KDM4B: variants seen among roughly 807,000 people sequenced by gnomAD.
KDM4B encodes lysine-specific demethylase 4B.
In KDM4B, 32 loss-of-function variants were observed where a neutral mutation model predicts 125.2. The observed-to-expected ratio is 0.26, with a 90% CI of 0.19 to 0.34. KDM4B has a LOEUF of 0.34. Among genes scored for constraint, KDM4B ranks in the 10% least tolerant of loss-of-function variants. KDM4B has a pLI of 1.00. For missense variants in KDM4B, 1,190 were observed against 1,577.7 expected, an observed-to-expected ratio of 0.75 and a Z score of 4.16; for synonymous variants, 721 against 677.9, an observed-to-expected ratio of 1.06 and a Z score of -0.99.
chr19:5,143,888 C>T lies in KDM4B; in HGVS notation c.2551-79C>T, dbSNP rs3816734. On this transcript the variant is annotated intron_variant, in intron 18 of 22. Transcript: ENST00000159111. Reference sequence around the variant, plus strand: ...GCGATGCCTCCCTTGAAGGCTGTGCCGGGAGGGGCCGGGGACTCCGTTCCA... The same window carrying T: ...GCGATGCCTCCCTTGAAGGCTGTGCTGGGAGGGGCCGGGGACTCCGTTCCA... 2.1e-3 allele frequency: 2,397 copies of T among 1,164,816 alleles called. 51 individuals are homozygous for T. The East Asian group carries it at 0.045, about 22-fold the overall frequency. The allele number at this position is 1,164,816 out of a possible 1,614,324, so 72.2% of individuals were successfully genotyped here.
intron 13 of KDM4B, among the ~76,000 whole-genome samples, chr19:5,133,286 C>T (rs529232264): frequency 2.9e-4 from 44 of 152,318 alleles, no homozygotes; most frequent in African/African-American, 9.6e-4. Context: ...AGAGTGTCCC[C>T]GTCACGCAGC....
intron 18 of KDM4B, among the ~76,000 whole-genome samples, chr19:5,138,642 C>A (rs371799411): frequency 6.6e-6 from 1 of 152,050 alleles, no homozygotes; most frequent in East Asian, 1.9e-4. Flanking sequence ...GACAACAGAG[C>A]CAGGCACTGT....
At chr19:5,100,185 G>A (rs1026337634) in intron 9 of KDM4B, among the ~76,000 whole-genome samples, 16 of 152,306 alleles carry the variant, frequency 1.1e-4, no homozygotes, top group African/African-American at 2.9e-4. Flanking sequence ...TACCTGATAC[G>A]TGTCTGATTT....
intron 6 of KDM4B, among the ~76,000 whole-genome samples, chr19:5,050,382 A>G (rs1262491734): frequency 6.6e-6 from 1 of 152,202 alleles, no homozygotes; most frequent in African/African-American, 2.4e-5. Context: ...GCGGATTGAA[A>G]CCAGAGCCAG....
intron 13 of KDM4B, among the ~76,000 whole-genome samples, 178 bp downstream of exon 13, chr19:5,132,185 G>C (rs192535197): frequency 9.8e-5 from 15 of 152,300 alleles, no homozygotes; most frequent in Admixed American, 3.9e-4. Flanking sequence ...GCAGGTGGTC[G>C]TGCGGGGAGG....
At chr19:5,122,589 C>T (rs1246448232) in intron 11 of KDM4B, among the ~76,000 whole-genome samples, 4 of 152,224 alleles carry the variant, frequency 2.6e-5, no homozygotes, top group Non-Finnish European at 5.9e-5. Context: ...TGAACAAATT[C>T]AGTGACTCTC....
chr19:5,025,406 C>T (rs2036248017), intron 2 of KDM4B, among the ~76,000 whole-genome samples: 1 of 152,260 alleles, frequency 6.6e-6, no homozygotes, highest in South Asian at 2.1e-4. Flanking sequence ...GTGGGGCCAG[C>T]CGGGCCTTAA....
At chr19:5,136,417 G>A (rs762698963) in intron 15 of KDM4B, among the ~76,000 whole-genome samples, 54 of 152,154 alleles carry the variant, frequency 3.5e-4, no homozygotes, top group Non-Finnish European at 6.3e-4. Flanking sequence ...TTAATTTTCT[G>A]TGCCCCTGGC....
intron 11 of KDM4B, among the ~76,000 whole-genome samples, chr19:5,123,721 C>T (rs751674900): frequency 1.6e-4 from 24 of 152,212 alleles, no homozygotes; most frequent in Non-Finnish European, 2.8e-4. Flanking sequence ...ATGCAGACTC[C>T]AGCAGGCAAG....
At chr19:5,012,720 A>G (rs557110641) in intron 1 of KDM4B, among the ~76,000 whole-genome samples, 18 of 152,290 alleles carry the variant, frequency 1.2e-4, no homozygotes, top group African/African-American at 3.6e-4. Flanking sequence ...GGCTCTTCTC[A>G]TCACATCCCG....
At chr19:5,047,414 C>T (rs971617079) in intron 5 of KDM4B, 62 bp from the exon 6 acceptor site, 2 of 1,499,338 alleles carry the variant, frequency 1.3e-6, no homozygotes, top group South Asian at 1.3e-5. Context: ...AGCCTGCACC[C>T]CAGGGCTCGC....
rs951926506 is a variant in KDM4B, at chr19:4,969,149, C to G, written c.-190C>G. ...GCCAGCAACCGAGCGGGGCCCGGCC[C>G]GAGCGGGGCCTGGGGGTGCGACGCC... On this transcript the variant is annotated 5_prime_UTR_variant, in exon 1 of 23. Transcript: ENST00000159111. 2.0e-5 allele frequency: 3 copies of G among 150,806 alleles called. No homozygotes were observed. Among genetic ancestry groups the G allele is most frequent in the East Asian group, 2.0e-4 (1 of 5,128 alleles). The allele number at this position is 150,806 out of a possible 1,614,324, so 9.3% of individuals were successfully genotyped here. A position where few individuals can be genotyped will look rare whatever the true frequency, so the allele number is the denominator to read the frequency against.
At chr19:5,121,714 C>G (rs1175113154) in intron 11 of KDM4B, among the ~76,000 whole-genome samples, 1 of 152,042 alleles carries the variant, frequency 6.6e-6, no homozygotes, top group Non-Finnish European at 1.5e-5. Flanking sequence ...AAGGACCTAC[C>G]AGGTGTTAGG....
intron 9 of KDM4B, among the ~76,000 whole-genome samples, chr19:5,103,386 C>T (rs577823304): frequency 6.6e-6 from 1 of 152,208 alleles, no homozygotes; most frequent in Non-Finnish European, 1.5e-5. Flanking sequence ...TCTGCATAAC[C>T]GGAGGCAAAC....
intron 6 of KDM4B, among the ~76,000 whole-genome samples, chr19:5,050,417 T>C (rs917129576): frequency 2.0e-5 from 3 of 152,214 alleles, no homozygotes; most frequent in African/African-American, 7.2e-5. Flanking sequence ...CCCCGCCAAC[T>C]TCCCGCAGCC....
chr19:5,016,181 G>A (rs2035887430), intron 1 of KDM4B, 76 bp from the exon 2 acceptor site: 2 of 152,354 alleles, frequency 1.3e-5, no homozygotes, highest in East Asian at 1.9e-4. Context: ...CGTACAGCTG[G>A]TGGGAGTCGA....
intron 6 of KDM4B, among the ~76,000 whole-genome samples, chr19:5,048,603 G>GT (rs1252387150): frequency 4.0e-5 from 4 of 99,822 alleles, no homozygotes; most frequent in African/African-American, 1.4e-4. Context: ...AGCGGGGAGA[G>GT]GGGGGGGCGG....
At chr19:5,098,398 G>A (rs891382536) in intron 9 of KDM4B, among the ~76,000 whole-genome samples, 2 of 152,192 alleles carry the variant, frequency 1.3e-5, no homozygotes, top group African/African-American at 4.8e-5. Context: ...TGACAGGCTT[G>A]GGAATTCAGA....
intron 11 of KDM4B, among the ~76,000 whole-genome samples, chr19:5,128,247 C>A (rs2039483323): frequency 6.6e-6 from 1 of 152,162 alleles, no homozygotes; most frequent in South Asian, 2.1e-4. Flanking sequence ...TTCCTCCTCG[C>A]CTCCTTCCCC....
Sources: gnomAD v4.1 joint callset for allele counts (sites outside exome capture counted in the v4.1 genomes callset) on GRCh38, gnomAD v4.1.1 for gene constraint, MANE v1.5 for transcripts, NCBI Gene and HGNC (gene_info 2026-07-23, HGNC 2026-07-21) for gene names.